Variants in SNTG1 observed in about 807,000 individuals in gnomAD.
SNTG1 encodes the protein gamma-1-syntrophin.
In SNTG1, 39 loss-of-function variants were observed where a neutral mutation model predicts 74.7. The ratio of observed to expected loss-of-function variants is 0.52; its 90% CI spans 0.40 to 0.68. The LOEUF (loss-of-function observed/expected upper bound fraction) is 0.68, where lower values mean the gene tolerates loss of function less well. Ranked by LOEUF, SNTG1 falls within the 30% of genes least tolerant of loss-of-function variation. The pLI is 0.00. For missense variants in SNTG1, 685 were observed against 609.5 expected (o/e 1.12, Z -1.30); for synonymous variants, 254 against 217.1 (o/e 1.17, Z -1.49).
intron 1 of SNTG1, among the ~76,000 whole-genome samples, chr8:50,065,068 T>A (rs978257714): frequency 6.6e-6 from 1 of 152,172 alleles, no homozygotes; most frequent in African/African-American, 2.4e-5. Flanking sequence ...ATAAAGTGAG[T>A]AATTAAATAT....
intron 13 of SNTG1, among the ~76,000 whole-genome samples, chr8:50,619,312 C>T (rs78267184): frequency 0.043 from 6,483 of 152,184 alleles, 242 homozygotes; most frequent in African/African-American, 0.094. Context: ...TGCTTACACC[C>T]ATCTGGAGTA....
At chr8:50,426,771 G>A (rs945081219) in intron 4 of SNTG1, among the ~76,000 whole-genome samples, 2 of 151,796 alleles carry the variant, frequency 1.3e-5, no homozygotes, top group African/African-American at 4.8e-5. Context: ...CTCACCTAGA[G>A]CAACTTCCAT....
chr8:49,912,482 CT>C (rs1805663551), intron 1 of SNTG1, among the ~76,000 whole-genome samples: 1 of 152,164 alleles, frequency 6.6e-6, no homozygotes, highest in African/African-American at 2.4e-5. Flanking sequence ...CTTTTTGGAT[CT>C]GGCATATCTT....
At chr8:50,215,388 AT>A (rs1444643897) in intron 2 of SNTG1, among the ~76,000 whole-genome samples, 4 of 147,768 alleles carry the variant, frequency 2.7e-5, no homozygotes, top group Non-Finnish European at 6.0e-5. Context: ...AAATATATAT[AT>A]GTGTATATAT....
At chr8:49,991,722 G>C (rs944559354) in intron 1 of SNTG1, among the ~76,000 whole-genome samples, 2 of 152,164 alleles carry the variant, frequency 1.3e-5, no homozygotes, top group Non-Finnish European at 1.5e-5. Flanking sequence ...CACATATGTT[G>C]TGATTCCATT....
intron 12 of SNTG1, among the ~76,000 whole-genome samples, chr8:50,571,108 GC>G (rs1382454982): frequency 2.0e-5 from 3 of 152,106 alleles, no homozygotes; most frequent in Admixed American, 6.6e-5. Context: ...CTGCCTGCCT[GC>G]CCCCATGCCC....
chr8:50,729,840 C>A (rs2095508666), intron 17 of SNTG1, among the ~76,000 whole-genome samples: 1 of 152,104 alleles, frequency 6.6e-6, no homozygotes, highest in Non-Finnish European at 1.5e-5. Context: ...CTAACAGAAA[C>A]AACAGGGTCA....
intron 2 of SNTG1, among the ~76,000 whole-genome samples, chr8:50,372,002 T>A (rs998415485): frequency 6.6e-6 from 1 of 152,190 alleles, no homozygotes; most frequent in Non-Finnish European, 1.5e-5. Flanking sequence ...GATTAGGGAG[T>A]TTAATCCACT....
At chr8:50,656,330 G>A (rs899752343) in intron 13 of SNTG1, among the ~76,000 whole-genome samples, 1 of 152,172 alleles carries the variant, frequency 6.6e-6, no homozygotes, top group Non-Finnish European at 1.5e-5. Context: ...AGAGGCTAAA[G>A]AGTTGATTTC....
rs890473873 is a variant in SNTG1 at position 50,796,352 on chromosome 8, T to C, written c.*3523T>C. On this transcript the variant is annotated 3_prime_UTR_variant, in exon 19 of 19. Coordinates refer to ENST00000642720, the MANE Select transcript of SNTG1 (RefSeq NM_018967.5). ...ATTTCTCCTTATGAAATTGCTTTAT[T>C]CATACTTCTAAAATTGTTCTTTATT... is the stretch of plus-strand genomic sequence containing the variant. The C allele has an allele frequency of 5.9e-5, 9 of 151,978 alleles. No individual in the cohort carries two copies. The highest frequency in any genetic ancestry group is 1.9e-4 in the African/African-American group (8 of 41,448). 9.4% of individuals were successfully genotyped at this position (151,978 alleles called of 1,614,324 possible).
intron 2 of SNTG1, among the ~76,000 whole-genome samples, chr8:50,359,705 AT>A (rs1449130936): frequency 6.6e-6 from 1 of 152,162 alleles, no homozygotes; most frequent in Admixed American, 6.6e-5. Context: ...GCTTCTCTCA[AT>A]CTCAACTCTT....
At chr8:50,616,206 G>T (rs766294855) in intron 13 of SNTG1, among the ~76,000 whole-genome samples, 2 of 152,174 alleles carry the variant, frequency 1.3e-5, no homozygotes, top group African/African-American at 2.4e-5. Flanking sequence ...TAGCCCAGAT[G>T]ACATATAAAA....
intron 1 of SNTG1, among the ~76,000 whole-genome samples, chr8:49,939,861 A>G (rs190468646): frequency 1.2e-3 from 183 of 152,336 alleles, no homozygotes; most frequent in African/African-American, 4.3e-3. Flanking sequence ...TGAGAGGTCT[A>G]GGGTCTAGCA....
At chr8:50,463,455 T>C (rs1365051679) in intron 8 of SNTG1, among the ~76,000 whole-genome samples, 5 of 152,198 alleles carry the variant, frequency 3.3e-5, no homozygotes, top group African/African-American at 9.6e-5. Context: ...GAATGGATGC[T>C]GTGTTAGGAA....
chr8:50,569,950 A>C (rs931619439), intron 12 of SNTG1, among the ~76,000 whole-genome samples: 1 of 152,200 alleles, frequency 6.6e-6, no homozygotes, highest in Non-Finnish European at 1.5e-5. Flanking sequence ...AAGTTTGGGC[A>C]CTGCACTGCA....
chr8:49,955,537 A>G (rs1395128421), intron 1 of SNTG1, among the ~76,000 whole-genome samples: 1 of 152,190 alleles, frequency 6.6e-6, no homozygotes, highest in Non-Finnish European at 1.5e-5. Flanking sequence ...CCTTTTCATC[A>G]CTTACTTGTC....
Position 50,421,046 on chromosome 8 carries a change from CG to C in SNTG1, c.163-17492del, listed in dbSNP as rs1172604268. ...TTAAAAAAAAAAAAAAGGCGGTGGG[CG>C]GGGGAGGGGGGGGCGAAGATAAAGG... On this transcript the variant is annotated intron_variant, in intron 4 of 18. Coordinates refer to ENST00000642720, the MANE Select transcript of SNTG1 (RefSeq NM_018967.5). 7.9e-3 allele frequency among the ~76,000 whole-genome samples: 21 copies of C among 2,652 alleles called. 2 individuals are homozygous for C. The highest frequency in any genetic ancestry group is 0.036 in the East Asian group (1 of 28). 1.7% of individuals were successfully genotyped at this position (2,652 alleles called of 152,430 possible).
At chr8:50,393,172 T>C (rs1234155391) in intron 2 of SNTG1, among the ~76,000 whole-genome samples, 1 of 152,118 alleles carries the variant, frequency 6.6e-6, no homozygotes, top group African/African-American at 2.4e-5. Flanking sequence ...ATTTAATAGA[T>C]TATATGATGC....
At chr8:50,782,710 A>C (rs2095663289) in intron 18 of SNTG1, among the ~76,000 whole-genome samples, 1 of 152,140 alleles carries the variant, frequency 6.6e-6, no homozygotes, top group Non-Finnish European at 1.5e-5. Flanking sequence ...CAACTTGTCA[A>C]AGTCATTCTC....
Sources: allele counts gnomAD v4.1 joint callset (sites outside exome capture counted in the v4.1 genomes callset), GRCh38; gene constraint gnomAD v4.1.1; transcripts MANE v1.5; gene names NCBI Gene and HGNC (gene_info 2026-07-23, HGNC 2026-07-21).